The following GSDME variants were observed in gnomAD, a reference collection of about 807,000 sequenced individuals.
GSDME encodes gasdermin-E.
Under a neutral mutation model 47.5 loss-of-function variants are expected in GSDME, and 44 were observed. The observed-to-expected ratio is 0.93, with a 90% CI of 0.73 to 1.19. The LOEUF is 1.19. Among genes scored for constraint, GSDME ranks in the 50% most tolerant of loss-of-function variants. The probability of loss-of-function intolerance (pLI) is 0.00; values close to 1 mark genes in which losing one functional copy is unlikely to be tolerated. For synonymous variants in GSDME, 258 were observed against 252.8 expected (o/e 1.02, Z -0.20); for missense variants, 663 against 604.2 (o/e 1.10, Z -1.02).
chr7:24,702,861 G>C (rs774888867), intron 8 of GSDME, 28 bp from the exon 9 acceptor site: 4 of 1,605,630 alleles, frequency 2.5e-6, no homozygotes, highest in Admixed American at 1.7e-5. Flanking sequence ...CACAGTCACA[G>C]TCCAAAAAAA....
In GSDME at chr7:24,717,386, A is replaced by C. The variant is rs752065719; in HGVS notation, c.577-12T>G. 2.3e-4 allele frequency: 375 copies of C among 1,613,968 alleles called. No homozygotes were observed. Among genetic ancestry groups the C allele is most frequent in the Non-Finnish European group, 3.1e-4 (364 of 1,180,020 alleles). On this transcript the variant is annotated splice_polypyrimidine_tract_variant and intron_variant, in intron 4 of 9. Coordinates refer to ENST00000645220, the MANE Select transcript of GSDME (RefSeq NM_001127453.2). ...TCCGTCGCTGACACCTGTGGGCAAA[A>C]GCGCACACTCCCACCTGTGCACTCG...
chr7:24,710,337 A>AT lies in GSDME; in HGVS notation c.748dup (p.Ile250AsnfsTer2). The AT allele has an allele frequency of 6.2e-7, 1 of 1,614,256 alleles. No individual in the cohort carries two copies. Among genetic ancestry groups the AT allele is most frequent in the Non-Finnish European group, 8.5e-7 (1 of 1,180,046 alleles). On this transcript the variant is annotated frameshift_variant, in exon 6 of 10. Transcript: ENST00000645220. LOFTEE classifies it high-confidence loss of function. Reference sequence around the variant, plus strand: ...CAGGGGGTCCAGGTAGACAGAGTCAATTCTCTTCTTGTTCTCGAAGCCACC... The same window carrying AT: ...CAGGGGGTCCAGGTAGACAGAGTCAATTTCTCTTCTTGTTCTCGAAGCCACC...
At chr7:24,779,163 G>A in the GSDME span, among the ~76,000 whole-genome samples, 3 of 152,168 alleles carry the variant, frequency 2.0e-5, no homozygotes, top group East Asian at 5.8e-4. This position sits in a 1 kb window ranked among gnomAD's most constrained non-coding sequence, Gnocchi z 6.0. Flanking sequence ...AGGCAGATAC[G>A]GGAAGTTGGT....
At chr7:24,774,167 C>T in the GSDME span, among the ~76,000 whole-genome samples, 5 of 152,114 alleles carry the variant, frequency 3.3e-5, no homozygotes, top group Non-Finnish European at 5.9e-5. Context: ...TCTCTTTCCA[C>T]GTCATTTCCT....
intron 8 of GSDME, 98 bp from the exon 9 acceptor site, chr7:24,702,931 C>T: frequency 9.6e-7 from 1 of 1,043,366 alleles, no homozygotes; most frequent in Admixed American, 1.9e-5. Flanking sequence ...TTAGTACTTT[C>T]CCGCCAGCCA....
Position 24,716,103 on chromosome 7 carries a change from G to A in GSDME, c.697+1151C>T, listed in dbSNP as rs1046363418. Among the ~76,000 whole-genome samples, 2 of 152,188 alleles carry A rather than the reference G, an allele frequency of 1.3e-5. No homozygotes were observed. Among genetic ancestry groups the A allele is most frequent in the East Asian group, 1.9e-4 (1 of 5,202 alleles). On this transcript the variant is annotated intron_variant, in intron 5 of 9. Transcript: ENST00000645220. This position sits in a 1 kb window ranked among gnomAD's most constrained non-coding sequence, Gnocchi z 4.5. ...TCTCACGGGAGACTGCCCCCCACCCGCCTTCCACAAATGGGGGAGAAGCAG... is the reference window on the plus strand; with the variant it reads ...TCTCACGGGAGACTGCCCCCCACCCACCTTCCACAAATGGGGGAGAAGCAG...
the GSDME span, among the ~76,000 whole-genome samples, chr7:24,795,203 C>T: frequency 7.6e-3 from 1,157 of 152,266 alleles, 14 homozygotes; most frequent in African/African-American, 0.027. Flanking sequence ...TCCACCAGGG[C>T]AATTACCCAG....
At chr7:24,746,722 C>A (rs747078458) in intron 2 of GSDME, among the ~76,000 whole-genome samples, 5 of 152,140 alleles carry the variant, frequency 3.3e-5, no homozygotes, top group Admixed American at 6.5e-5. Context: ...GACACACCTC[C>A]GAAGAAGATG....
chr7:24,755,356 A>G (rs1353106672), intron 1 of GSDME, among the ~76,000 whole-genome samples: 2 of 152,138 alleles, frequency 1.3e-5, no homozygotes, highest in African/African-American at 2.4e-5. Flanking sequence ...TTCCTGACCA[A>G]TCACAGCTAT....
chr7:24,720,414 A>G (rs891079423), intron 3 of GSDME, among the ~76,000 whole-genome samples: 2 of 152,148 alleles, frequency 1.3e-5, no homozygotes, highest in African/African-American at 4.8e-5. Flanking sequence ...ATCCCTGACC[A>G]CACACATGCT....
At chr7:24,706,004 G>T (rs992945046) in intron 8 of GSDME, 180 bp downstream of exon 8, 1 of 755,230 alleles carries the variant, frequency 1.3e-6, no homozygotes, top group Non-Finnish European at 2.2e-6. Flanking sequence ...GCACAGACTC[G>T]AGACCGAAGG....
In GSDME at chr7:24,757,040, G is replaced by C. The variant is rs756597096; in HGVS notation, c.-20+356C>G. On this transcript the variant is annotated intron_variant, in intron 1 of 9. Coordinates refer to ENST00000645220, the MANE Select transcript of GSDME (RefSeq NM_001127453.2). This position sits in a 1 kb window ranked among gnomAD's most constrained non-coding sequence, Gnocchi z 5.9. ...TGAACGAATGGGGAGGGGGGGTTTG[G>C]GGGGTTGGGAGAACGAAAATACCAG... Among the ~76,000 whole-genome samples, 69 of 152,270 alleles carry C rather than the reference G, an allele frequency of 4.5e-4. No homozygotes were observed. The highest frequency in any genetic ancestry group is 8.2e-4 in the Non-Finnish European group (56 of 68,016).
At chr7:24,711,845 GT>G (rs1477598192) in intron 5 of GSDME, among the ~76,000 whole-genome samples, 4 of 144,406 alleles carry the variant, frequency 2.8e-5, no homozygotes, top group African/African-American at 7.6e-5. Flanking sequence ...GCAAAGAAAT[GT>G]TTTCTCAAAC....
At chr7:24,767,502 A>T in the GSDME span, among the ~76,000 whole-genome samples, 1 of 151,844 alleles carries the variant, frequency 6.6e-6, no homozygotes, top group Non-Finnish European at 1.5e-5. The surrounding 1 kb of genome is among the most constrained non-coding windows in gnomAD (Gnocchi z 5.3). Context: ...AGAAACCTCT[A>T]TCTAGAATTT....
intron 2 of GSDME, among the ~76,000 whole-genome samples, chr7:24,746,728 A>G (rs895449896): frequency 2.0e-5 from 3 of 152,208 alleles, no homozygotes; most frequent in African/African-American, 7.2e-5. Context: ...CCTCCGAAGA[A>G]GATGTCATTT....
chr7:24,718,977 C>T, intron 4 of GSDME, 70 bp downstream of exon 4: 1 of 1,560,838 alleles, frequency 6.4e-7, no homozygotes, highest in African/African-American at 1.4e-5. Flanking sequence ...AGACACCACC[C>T]AAAGAGGCCC....
intron 8 of GSDME, chr7:24,703,262 A>C (rs1788955172): frequency 3.0e-6 from 1 of 333,308 alleles, no homozygotes; most frequent in Non-Finnish European, 5.8e-6. Context: ...TTGTTTTTGC[A>C]TATGTCAGAA....
intron 3 of GSDME, among the ~76,000 whole-genome samples, chr7:24,729,728 TG>T (rs1254133610): frequency 6.6e-6 from 1 of 152,160 alleles, no homozygotes; most frequent in Non-Finnish European, 1.5e-5. Flanking sequence ...ACCTGGAGGA[TG>T]TGAGGGCAAC....
intron 1 of GSDME, among the ~76,000 whole-genome samples, chr7:24,751,958 G>T (rs1348900684): frequency 6.6e-6 from 1 of 152,186 alleles, no homozygotes; most frequent in Non-Finnish European, 1.5e-5. Context: ...CCAAGAAAAA[G>T]GCATCTAAAT....
Sources: allele counts gnomAD v4.1 joint callset (sites outside exome capture counted in the v4.1 genomes callset), GRCh38; gene constraint gnomAD v4.1.1; non-coding constraint Gnocchi (gnomAD v3.1); transcripts MANE v1.5; gene names NCBI Gene and HGNC (gene_info 2026-07-23, HGNC 2026-07-21).